Variants in HEMK2 observed in about 807,000 individuals in gnomAD.
The protein encoded by HEMK2 is methyltransferase HEMK2.
chr21:28,607,995 T>C, the HEMK2 span, among the ~76,000 whole-genome samples: 2 of 152,304 alleles, frequency 1.3e-5, no homozygotes, highest in African/African-American at 2.4e-5. Flanking sequence ...CTTTGCCCCA[T>C]GTTTTCCATC....
the HEMK2 span, among the ~76,000 whole-genome samples, chr21:28,683,985 C>T: frequency 6.6e-6 from 1 of 152,122 alleles, no homozygotes; most frequent in African/African-American, 2.4e-5. Context: ...TGGCACTGCT[C>T]TTTTTAAAAT....
At chr21:28,810,430 G>A in the HEMK2 span, among the ~76,000 whole-genome samples, 1 of 152,214 alleles carries the variant, frequency 6.6e-6, no homozygotes, top group Admixed American at 6.5e-5. Context: ...GCTAGTACCA[G>A]AGGGGCTGAC....
chr21:28,769,043 T>C, the HEMK2 span, among the ~76,000 whole-genome samples: 2 of 152,100 alleles, frequency 1.3e-5, no homozygotes, highest in East Asian at 1.9e-4. Context: ...AAAAATAAAT[T>C]TGTGTTGTTT....
the HEMK2 span, among the ~76,000 whole-genome samples, chr21:28,631,893 T>C: frequency 6.6e-6 from 1 of 152,152 alleles, no homozygotes; most frequent in Admixed American, 6.5e-5. Context: ...AAATAAATGG[T>C]ATCACTCTCT....
At chr21:28,708,347 G>C in the HEMK2 span, among the ~76,000 whole-genome samples, 1 of 152,064 alleles carries the variant, frequency 6.6e-6, no homozygotes, top group African/African-American at 2.4e-5. Flanking sequence ...CTGCCAAAGA[G>C]TATTCTTTGT....
chr21:28,620,484 G>C, the HEMK2 span, among the ~76,000 whole-genome samples: 1 of 151,818 alleles, frequency 6.6e-6, no homozygotes, highest in African/African-American at 2.4e-5. Context: ...CTTCTTCCTG[G>C]TTTAGTCTTG....
the HEMK2 span, among the ~76,000 whole-genome samples, chr21:28,619,819 C>A: frequency 6.6e-6 from 1 of 152,116 alleles, no homozygotes; most frequent in Non-Finnish European, 1.5e-5. Flanking sequence ...GGATAGCATG[C>A]AAATCAATAG....
At chr21:28,761,171 T>C in the HEMK2 span, among the ~76,000 whole-genome samples, 1 of 152,124 alleles carries the variant, frequency 6.6e-6, no homozygotes, top group Non-Finnish European at 1.5e-5. Flanking sequence ...GAATCATCTA[T>C]GTCCTTCAAG....
chr21:28,740,902 C>T, the HEMK2 span, among the ~76,000 whole-genome samples: 1 of 150,590 alleles, frequency 6.6e-6, no homozygotes, highest in Non-Finnish European at 1.5e-5. Flanking sequence ...TTAATAAATA[C>T]ATTACATTTT....
chr21:28,762,719 C>T, the HEMK2 span, among the ~76,000 whole-genome samples: 1 of 152,094 alleles, frequency 6.6e-6, no homozygotes, highest in African/African-American at 2.4e-5. Context: ...ATTCCCTTGG[C>T]TCTGTTTTTC....
the HEMK2 span, among the ~76,000 whole-genome samples, chr21:28,877,297 G>GAAGGAAGGAAGGAAGA: frequency 2.7e-4 from 34 of 126,452 alleles, 1 homozygote; most frequent in African/African-American, 1.0e-3. Flanking sequence ...AGGAAGGAAG[G>GAAGGAAGGAAGGAAGA]AAGAGAGAGA....
At chr21:28,826,172 T>C in the HEMK2 span, among the ~76,000 whole-genome samples, 1 of 152,186 alleles carries the variant, frequency 6.6e-6, no homozygotes, top group African/African-American at 2.4e-5. Context: ...AGACACCCCG[T>C]AGATGGAAGT....
chr21:28,739,149 T>C, the HEMK2 span, among the ~76,000 whole-genome samples: 4 of 152,220 alleles, frequency 2.6e-5, no homozygotes, highest in Non-Finnish European at 2.9e-5. Flanking sequence ...CAAAAGTACA[T>C]TGACATGCGT....
chr21:28,575,674 T>C, the HEMK2 span, among the ~76,000 whole-genome samples: 1 of 152,330 alleles, frequency 6.6e-6, no homozygotes, highest in Non-Finnish European at 1.5e-5. Context: ...TATAGTTCAA[T>C]AAATTTTGAC....
the HEMK2 span, among the ~76,000 whole-genome samples, chr21:28,771,518 A>ACCCCCCCC: frequency 1.7e-3 from 181 of 105,438 alleles, 2 homozygotes; most frequent in East Asian, 3.6e-3. Flanking sequence ...AAGATGCACC[A>ACCCCCCCC]CCCCCCCCCG....
chr21:28,852,942 T>C, the HEMK2 span, among the ~76,000 whole-genome samples: 5 of 152,338 alleles, frequency 3.3e-5, no homozygotes, highest in East Asian at 9.6e-4. Flanking sequence ...CCTTTGATGG[T>C]TGAGTGCTGC....
chr21:28,731,830 A>C, the HEMK2 span, among the ~76,000 whole-genome samples: 4 of 151,930 alleles, frequency 2.6e-5, no homozygotes, highest in African/African-American at 9.7e-5. Flanking sequence ...AGAAGTGAGC[A>C]GTCCCTGGAG....
the HEMK2 span, among the ~76,000 whole-genome samples, chr21:28,841,269 ATTATATATT>A: frequency 0.016 from 74 of 4,636 alleles, 10 homozygotes; most frequent in African/African-American, 0.12. Context: ...TATAATATAT[ATTATATATT>A]ATATATAATA....
the HEMK2 span, chr21:28,674,699 C>T: frequency 6.6e-6 from 1 of 152,216 alleles, no homozygotes; most frequent in East Asian, 1.9e-4. Context: ...GCTGCTGTCA[C>T]AAAATATCTT....
Sources: allele counts gnomAD v4.1 joint callset (sites outside exome capture counted in the v4.1 genomes callset), GRCh38; gene constraint gnomAD v4.1.1; transcripts MANE v1.5; gene names NCBI Gene and HGNC (gene_info 2026-07-23, HGNC 2026-07-21).